The following MRTFB variants were observed in gnomAD, a reference collection of about 807,000 sequenced individuals.
MRTFB encodes myocardin related transcription factor B.
In MRTFB, 29 loss-of-function variants were observed where a neutral mutation model predicts 104.2. The observed-to-expected ratio is 0.28, with a 90% CI of 0.21 to 0.38. The LOEUF is 0.38. MRTFB is among the 10% of genes least tolerant of loss of function. The pLI, the probability that MRTFB is intolerant of heterozygous loss-of-function variation, is 1.00. For missense variants in MRTFB, 1,270 were observed against 1,341.6 expected, an observed-to-expected ratio of 0.95 and a Z score of 0.83; for synonymous variants, 535 against 519.5, an observed-to-expected ratio of 1.03 and a Z score of -0.41.
At chr16:14,025,770 G>A in the MRTFB span, among the ~76,000 whole-genome samples, 3 of 152,126 alleles carry the variant, frequency 2.0e-5, no homozygotes, top group Non-Finnish European at 4.4e-5. Context: ...AACAACTATA[G>A]CAAGCTAACA....
chr16:14,106,246 A>T (rs1274206101), intron 2 of MRTFB, among the ~76,000 whole-genome samples: 3 of 152,132 alleles, frequency 2.0e-5, no homozygotes, highest in Non-Finnish European at 4.4e-5. Context: ...TGCCAGGTGC[A>T]GTGGGAGTGC....
chr16:14,041,761 T>C, the MRTFB span, among the ~76,000 whole-genome samples: 2 of 152,004 alleles, frequency 1.3e-5, no homozygotes, highest in African/African-American at 4.8e-5. Flanking sequence ...ACCCCGTCTC[T>C]ACTAAAAATA....
intron 1 of MRTFB, among the ~76,000 whole-genome samples, chr16:14,075,787 G>A (rs1346007943): frequency 6.6e-6 from 1 of 152,156 alleles, no homozygotes; most frequent in African/African-American, 2.4e-5. Context: ...TATAATTTAT[G>A]GTGATGGCCA....
chr16:14,123,541 C>T (rs951831924), intron 2 of MRTFB, among the ~76,000 whole-genome samples: 2 of 152,130 alleles, frequency 1.3e-5, no homozygotes, highest in Admixed American at 6.5e-5. Context: ...ATAGGGAATC[C>T]TTTCCCCATT....
intron 9 of MRTFB, among the ~76,000 whole-genome samples, chr16:14,238,432 G>C (rs897580063): frequency 6.6e-6 from 1 of 152,138 alleles, no homozygotes; most frequent in Non-Finnish European, 1.5e-5. Flanking sequence ...GGTCTCAGTG[G>C]CATCAAATAA....
intron 3 of MRTFB, among the ~76,000 whole-genome samples, chr16:14,173,951 T>C (rs1252847078): frequency 1.3e-5 from 2 of 152,196 alleles, no homozygotes; most frequent in Non-Finnish European, 2.9e-5. Flanking sequence ...TATGAGTTAA[T>C]AGAAGATGTA....
At chr16:14,198,977 C>T (rs142671225) in intron 3 of MRTFB, among the ~76,000 whole-genome samples, 1 of 152,118 alleles carries the variant, frequency 6.6e-6, no homozygotes, top group Admixed American at 6.6e-5. Flanking sequence ...CAATTATAAA[C>T]TTGCTCAATT....
At chr16:14,147,295 C>T (rs974324665) in intron 3 of MRTFB, among the ~76,000 whole-genome samples, 15 of 152,176 alleles carry the variant, frequency 9.9e-5, no homozygotes, top group African/African-American at 3.4e-4. Flanking sequence ...CTGTAAGCCT[C>T]CCGACAACTG....
At chr16:14,109,709 T>G (rs1360423946) in intron 2 of MRTFB, among the ~76,000 whole-genome samples, 1 of 152,166 alleles carries the variant, frequency 6.6e-6, no homozygotes, top group African/African-American at 2.4e-5. Context: ...GGAAGCTATG[T>G]TTTTGTAAAC....
At chr16:14,249,962 G>A (rs1050492469) in intron 13 of MRTFB, among the ~76,000 whole-genome samples, 1 of 152,170 alleles carries the variant, frequency 6.6e-6, no homozygotes, top group South Asian at 2.1e-4. Flanking sequence ...CTCTGCGAGA[G>A]GAATCATGGT....
intron 3 of MRTFB, among the ~76,000 whole-genome samples, chr16:14,199,258 T>A (rs1213418566): frequency 1.3e-5 from 2 of 152,230 alleles, no homozygotes; most frequent in African/African-American, 2.4e-5. Flanking sequence ...CCTTCCTTTG[T>A]TGGATCTTCC....
the MRTFB span, among the ~76,000 whole-genome samples, chr16:14,017,117 A>G: frequency 7.7e-6 from 1 of 129,460 alleles, no homozygotes; most frequent in African/African-American, 3.0e-5. Flanking sequence ...AGTGCAGTGG[A>G]GCAATCTCGG....
chr16:14,178,245 T>G (rs1276094260), intron 3 of MRTFB, among the ~76,000 whole-genome samples: 5 of 152,096 alleles, frequency 3.3e-5, no homozygotes, highest in African/African-American at 1.2e-4. Context: ...TCTGTAGCAT[T>G]TATGTCTGAA....
chr16:14,181,389 C>G (rs2039766158), intron 3 of MRTFB, among the ~76,000 whole-genome samples: 1 of 152,040 alleles, frequency 6.6e-6, no homozygotes, highest in Non-Finnish European at 1.5e-5. Flanking sequence ...ATTTTCCTTC[C>G]TAAATACATC....
intron 2 of MRTFB, among the ~76,000 whole-genome samples, chr16:14,095,654 G>A (rs1023070119): frequency 7.2e-5 from 11 of 152,220 alleles, no homozygotes; most frequent in Non-Finnish European, 1.3e-4. Context: ...TACTGGAAAT[G>A]AAATGGACAA....
At chr16:14,047,573 T>G in the MRTFB span, among the ~76,000 whole-genome samples, 1 of 152,212 alleles carries the variant, frequency 6.6e-6, no homozygotes. Context: ...TCACAGTTCA[T>G]GTGGCTGGGG....
In MRTFB at chr16:14,240,384, G is replaced by C; in HGVS notation, c.979G>C (p.Ala327Pro). ...TGAGCCGCAGATGGACTCTAACTACGCCCGCCTGCTCCAGCAGCAGCAGCT... is the reference window on the plus strand; with the variant it reads ...TGAGCCGCAGATGGACTCTAACTACCCCCGCCTGCTCCAGCAGCAGCAGCT... The part of the protein sequence containing the change: ...KNEPQMDSNY[A>P]RLLQQQQLFL... The change falls in exon 10 of 17, where the codon GCC becomes CCC. Residue 327 changes from alanine to proline, a missense_variant. Transcript: ENST00000571589. The C allele has an allele frequency of 6.2e-7, 1 of 1,614,038 alleles. No individual in the cohort carries two copies. The highest frequency in any genetic ancestry group is 1.3e-5 in the African/African-American group (1 of 75,018).
intron 15 of MRTFB, among the ~76,000 whole-genome samples, chr16:14,254,450 A>T (rs1339329133): frequency 6.6e-6 from 1 of 152,226 alleles, no homozygotes; most frequent in African/African-American, 2.4e-5. Flanking sequence ...TGGCAGGGTT[A>T]CTGGAGAAAA....
intron 16 of MRTFB, among the ~76,000 whole-genome samples, chr16:14,258,411 A>G (rs565761458): frequency 1.4e-4 from 22 of 152,316 alleles, no homozygotes; most frequent in African/African-American, 4.1e-4. Flanking sequence ...CTTGGGAAAC[A>G]TAATGAGACC....
Sources: allele counts gnomAD v4.1 joint callset (sites outside exome capture counted in the v4.1 genomes callset), GRCh38; gene constraint gnomAD v4.1.1; transcripts MANE v1.5; gene names NCBI Gene and HGNC (gene_info 2026-07-23, HGNC 2026-07-21).